The following EVA1A variants were observed in gnomAD, a reference collection of about 807,000 sequenced individuals.
EVA1A encodes the protein protein eva-1 homolog A.
Under a neutral mutation model 9.8 loss-of-function variants are expected in EVA1A, and 7 were observed. The ratio of observed to expected loss-of-function variants is 0.71; its 90% CI spans 0.41 to 1.34. The LOEUF (loss-of-function observed/expected upper bound fraction) is 1.34, where lower values mean the gene tolerates loss of function less well. Ranked by LOEUF, EVA1A falls within the 40% of genes most tolerant of loss-of-function variation. EVA1A has a pLI of 0.01. For synonymous variants in EVA1A, 90 were observed against 85.6 expected (o/e 1.05, Z -0.28); for missense variants, 206 against 205.9 (o/e 1.00, Z 0.00).
At chr2:75,560,595 A>T (rs1174758865) in intron 1 of EVA1A, 85 bp downstream of exon 1, 2 of 152,018 alleles carry the variant, frequency 1.3e-5, no homozygotes, top group Non-Finnish European at 2.9e-5. Context: ...GTGTTTCCGA[A>T]AAGAGGGCGC....
intron 3 of EVA1A, among the ~76,000 whole-genome samples, chr2:75,515,525 C>T (rs1388636795): frequency 3.3e-5 from 5 of 152,278 alleles, no homozygotes; most frequent in East Asian, 1.9e-4. Context: ...AAAGTAAAAC[C>T]AGTCCTTGCC....
intron 1 of EVA1A, among the ~76,000 whole-genome samples, chr2:75,525,840 G>C (rs1258008297): frequency 3.9e-5 from 6 of 152,204 alleles, no homozygotes; most frequent in Non-Finnish European, 8.8e-5. Flanking sequence ...TACCAATGCT[G>C]TTACAGCAGG....
intron 3 of EVA1A, among the ~76,000 whole-genome samples, chr2:75,512,897 A>T (rs1183779577): frequency 6.6e-6 from 1 of 152,092 alleles, no homozygotes; most frequent in Non-Finnish European, 1.5e-5. Flanking sequence ...GCAAAATCAC[A>T]CCTGATATGA....
intron 3 of EVA1A, among the ~76,000 whole-genome samples, chr2:75,498,477 AAAAT>A (rs1674291741): frequency 1.3e-5 from 2 of 152,156 alleles, no homozygotes; most frequent in Non-Finnish European, 2.9e-5. Flanking sequence ...CCCCAAAACT[AAAAT>A]AAAAGTAAAA....
chr2:75,527,253 G>A (rs1348306408), intron 1 of EVA1A, among the ~76,000 whole-genome samples: 1 of 152,206 alleles, frequency 6.6e-6, no homozygotes, highest in Non-Finnish European at 1.5e-5. Context: ...ACCATAGCAA[G>A]AAACTCCAAC....
At chr2:75,535,085 G>GAA (rs567942141) in intron 1 of EVA1A, among the ~76,000 whole-genome samples, 82 of 149,342 alleles carry the variant, frequency 5.5e-4, no homozygotes, top group Middle Eastern at 3.5e-3. Context: ...AAATCAGCAA[G>GAA]AAAAAAAAAT....
chr2:75,506,050 T>A (rs942896692), intron 3 of EVA1A, among the ~76,000 whole-genome samples: 1 of 152,200 alleles, frequency 6.6e-6, no homozygotes, highest in South Asian at 2.1e-4. Context: ...GTACACAGCA[T>A]ATAACACTGT....
At chr2:75,512,505 A>G (rs1674852350) in intron 3 of EVA1A, among the ~76,000 whole-genome samples, 1 of 151,980 alleles carries the variant, frequency 6.6e-6, no homozygotes, top group African/African-American at 2.4e-5. Context: ...GAGTGTGCAA[A>G]AGCAATGAGG....
In EVA1A at chr2:75,555,301, ATC is replaced by A. The variant is rs58092436; in HGVS notation, c.-192+5377_-192+5378del. 5.1e-3 allele frequency among the ~76,000 whole-genome samples: 294 copies of A among 57,180 alleles called. 6 individuals are homozygous for A. The South Asian group carries it at 0.053, about 10-fold the overall frequency. 37.5% of individuals were successfully genotyped at this position (57,180 alleles called of 152,430 possible). A position where few individuals can be genotyped will look rare whatever the true frequency, so the allele number is the denominator to read the frequency against. ...AAACAGACTTTAGCATCAAAACTCA[ATC>A]TCTCTCTCTCTCTCTCTCTCTCTCT... On this transcript the variant is annotated intron_variant, in intron 1 of 3. Coordinates refer to ENST00000393913, the MANE Select transcript of EVA1A (RefSeq NM_001135032.2).
chr2:75,499,804 C>T (rs1052514828), intron 3 of EVA1A, among the ~76,000 whole-genome samples: 3 of 152,146 alleles, frequency 2.0e-5, no homozygotes, highest in African/African-American at 4.8e-5. Context: ...CTGACTATGC[C>T]TAAGTCCCTG....
chr2:75,494,773 G>A (rs912169194), intron 3 of EVA1A, among the ~76,000 whole-genome samples: 1 of 152,222 alleles, frequency 6.6e-6, no homozygotes, highest in Admixed American at 6.5e-5. Context: ...TAAGTTTTGG[G>A]GTAGTTTTGT....
chr2:75,518,969 ACTGT>A (rs1355329197), intron 2 of EVA1A: 1 of 626,534 alleles, frequency 1.6e-6, no homozygotes, highest in Non-Finnish European at 2.0e-6. Context: ...TCCACCTGTG[ACTGT>A]GATGGGCCAG....
chr2:75,537,971 AAACCAGACT>A (rs558977691), intron 1 of EVA1A, among the ~76,000 whole-genome samples: 197 of 152,290 alleles, frequency 1.3e-3, no homozygotes, highest in African/African-American at 4.6e-3. Context: ...TTCCTTCTGC[AAACCAGACT>A]AATACACCTC....
intron 1 of EVA1A, among the ~76,000 whole-genome samples, chr2:75,559,696 G>GT (rs1396862237): frequency 2.1e-5 from 2 of 96,192 alleles, no homozygotes; most frequent in Non-Finnish European, 2.1e-5. Flanking sequence ...GAGAAAGGAG[G>GT]TGGGGGGGGG....
intron 1 of EVA1A, among the ~76,000 whole-genome samples, chr2:75,567,246 A>G (rs1677046015): frequency 6.6e-6 from 1 of 152,208 alleles, no homozygotes; most frequent in African/African-American, 2.4e-5. Flanking sequence ...TAATCTCATG[A>G]CCTGTTTGAA....
chr2:75,559,690 A>C (rs1180420268), intron 1 of EVA1A, among the ~76,000 whole-genome samples: 2 of 9,136 alleles, frequency 2.2e-4, no homozygotes, highest in Non-Finnish European at 4.0e-4. Flanking sequence ...TACTATGAGA[A>C]AGGAGGTGGG....
chr2:75,543,140 T>A (rs1033794243), intron 1 of EVA1A, among the ~76,000 whole-genome samples: 4 of 152,140 alleles, frequency 2.6e-5, no homozygotes, highest in African/African-American at 4.8e-5. Flanking sequence ...CCACGATACA[T>A]GCGCTTGAAT....
At chr2:75,555,543 T>A (rs1676681441) in intron 1 of EVA1A, among the ~76,000 whole-genome samples, 1 of 152,116 alleles carries the variant, frequency 6.6e-6, no homozygotes, top group Non-Finnish European at 1.5e-5. Context: ...GCTTTGTTTT[T>A]GATTGTGATT....
At chr2:75,524,012 T>G (rs1281656913) in intron 1 of EVA1A, 1 of 152,130 alleles carries the variant, frequency 6.6e-6, no homozygotes, top group Admixed American at 6.6e-5. Flanking sequence ...TAATAGTGGG[T>G]GAGTTCTCAT....
Sources: allele counts gnomAD v4.1 joint callset (sites outside exome capture counted in the v4.1 genomes callset), GRCh38; gene constraint gnomAD v4.1.1; transcripts MANE v1.5; gene names NCBI Gene and HGNC (gene_info 2026-07-23, HGNC 2026-07-21).